Variants in KATNAL2 observed in about 807,000 individuals in gnomAD.
KATNAL2 encodes katanin catalytic subunit A1 like 2.
A neutral mutation model predicts 76.3 loss-of-function variants in KATNAL2; 52 were observed. The ratio of observed to expected loss-of-function variants is 0.68; its 90% CI spans 0.55 to 0.86. KATNAL2 has a LOEUF of 0.86. Ranked by LOEUF, KATNAL2 falls within the 40% of genes least tolerant of loss-of-function variation. KATNAL2 has a pLI of 0.00. For missense variants in KATNAL2, 660 were observed against 668.9 expected, an observed-to-expected ratio of 0.99 and a Z score of 0.15; for synonymous variants, 243 against 244.2, an observed-to-expected ratio of 1.00 and a Z score of 0.05.
intron 1 of KATNAL2, among the ~76,000 whole-genome samples, chr18:46,922,651 G>A (rs1201790476): frequency 6.6e-6 from 1 of 151,686 alleles, no homozygotes; most frequent in Admixed American, 6.6e-5. Flanking sequence ...AATAAAATGA[G>A]CCAAGTGTGG....
In KATNAL2 at chr18:46,938,774, G is replaced by A. The variant is rs570918277; in HGVS notation, c.-509-7283G>A. Among the ~76,000 whole-genome samples the A allele has an allele frequency of 2.6e-5, 4 of 152,100 alleles. No individual in the cohort carries two copies. In the South Asian group the frequency reaches 6.2e-4, roughly 24 times the overall value. ...AGAATCAAATGCCTTATCACATTCC[G>A]CAGTCCCTTGTTTCAACTCCCTTTA... On this transcript the variant is annotated intron_variant, in intron 1 of 17. Coordinates refer to ENST00000683218, the MANE Select transcript of KATNAL2 (RefSeq NM_001387690.1).
chr18:47,063,187 G>C, intron 9 of KATNAL2, 97 bp from the exon 10 acceptor site: 1 of 1,425,698 alleles, frequency 7.0e-7, no homozygotes, highest in Non-Finnish European at 9.8e-7. Context: ...ATAGCCACCT[G>C]CCATCGTTTG....
At chr18:46,927,214 G>A (rs2058755487) in intron 1 of KATNAL2, among the ~76,000 whole-genome samples, 2 of 152,124 alleles carry the variant, frequency 1.3e-5, no homozygotes, top group African/African-American at 4.8e-5. Context: ...TTTTTGCAGT[G>A]GCTGGTACTG....
chr18:47,069,042 A>G (rs2061907135), intron 11 of KATNAL2, among the ~76,000 whole-genome samples, 178 bp from the exon 12 acceptor site: 1 of 152,220 alleles, frequency 6.6e-6, no homozygotes, highest in South Asian at 2.1e-4. Flanking sequence ...TGAAAATAAA[A>G]TTGGGATGAA....
At chr18:46,927,580 G>A (rs1472699776) in intron 1 of KATNAL2, among the ~76,000 whole-genome samples, 6 of 152,070 alleles carry the variant, frequency 3.9e-5, no homozygotes, top group South Asian at 2.1e-4. Context: ...TGCTCTTCTC[G>A]AGGAGTATTT....
At chr18:47,099,637 G>C (rs2063388373) in intron 16 of KATNAL2, among the ~76,000 whole-genome samples, 1 of 152,240 alleles carries the variant, frequency 6.6e-6, no homozygotes, top group South Asian at 2.1e-4. Context: ...TTTAGACTCA[G>C]AGAACCTATG....
intron 10 of KATNAL2, among the ~76,000 whole-genome samples, chr18:47,064,228 C>T (rs536036734): frequency 2.0e-5 from 3 of 147,064 alleles, no homozygotes; most frequent in East Asian, 2.0e-4. Flanking sequence ...ACAAAGTGCA[C>T]TTTAAGAGCA....
At chr18:47,068,536 C>G (rs571956202) in intron 11 of KATNAL2, among the ~76,000 whole-genome samples, 1 of 152,304 alleles carries the variant, frequency 6.6e-6, no homozygotes, top group African/African-American at 2.4e-5. Flanking sequence ...GCATTACAAG[C>G]TCCATATGTG....
chr18:47,032,831 G>T, intron 3 of KATNAL2: 1 of 1,281,192 alleles, frequency 7.8e-7, no homozygotes, highest in South Asian at 1.5e-5. Flanking sequence ...TAGTGGCTGG[G>T]TGTGGGAGGC....
intron 15 of KATNAL2, among the ~76,000 whole-genome samples, chr18:47,090,389 G>T (rs1409017573): frequency 6.6e-6 from 1 of 152,136 alleles, no homozygotes; most frequent in African/African-American, 2.4e-5. Context: ...TTACAGGCAG[G>T]AGCCACCGCG....
At chr18:46,935,612 T>A (rs563023643) in intron 1 of KATNAL2, among the ~76,000 whole-genome samples, 1 of 151,788 alleles carries the variant, frequency 6.6e-6, no homozygotes. Flanking sequence ...TAAATAAGTT[T>A]ACATTGAAAA....
chr18:46,948,488 G>A (rs2059449819), intron 3 of KATNAL2, among the ~76,000 whole-genome samples: 2 of 143,764 alleles, frequency 1.4e-5, no homozygotes. Flanking sequence ...GCAATGGTGT[G>A]ATCTTGGCTC....
intron 3 of KATNAL2, among the ~76,000 whole-genome samples, chr18:47,045,736 C>A (rs2061137048): frequency 6.6e-6 from 1 of 152,172 alleles, no homozygotes; most frequent in African/African-American, 2.4e-5. Flanking sequence ...TACCTGTATT[C>A]TACTTAGATA....
chr18:46,936,794 A>C (rs1599362473), intron 1 of KATNAL2, among the ~76,000 whole-genome samples: 1 of 152,096 alleles, frequency 6.6e-6, no homozygotes, highest in African/African-American at 2.4e-5. Flanking sequence ...TCTACTAAAA[A>C]TATTTAAAAA....
intron 1 of KATNAL2, among the ~76,000 whole-genome samples, chr18:46,945,404 A>G (rs938114252): frequency 6.6e-6 from 1 of 152,252 alleles, no homozygotes; most frequent in African/African-American, 2.4e-5. Flanking sequence ...AGCAGGCAAT[A>G]TAGACTTTTC....
At position 47,063,327 on chromosome 18, in the gene KATNAL2, G is replaced by A; in HGVS notation, c.692G>A (p.Ser231Asn). Residue 231 changes from serine to asparagine, a missense_variant, in exon 10 of 18, where the codon AGT becomes AAT. Transcript: ENST00000683218. ...CTGAGTGCATTTATTGGCATGAACA[G>A]TGAGATGCGAGAATTGGCAGCCGTG... ...KPLSAFIGMN[S>N]EMRELAAVVS... 6.2e-7 allele frequency: 1 copy of A among 1,613,974 alleles called. No individual in the cohort carries two copies. Among genetic ancestry groups the A allele is most frequent in the Non-Finnish European group, 8.5e-7 (1 of 1,179,912 alleles).
chr18:46,927,905 G>A (rs556963192), intron 1 of KATNAL2, among the ~76,000 whole-genome samples: 25 of 152,208 alleles, frequency 1.6e-4, no homozygotes, highest in East Asian at 5.8e-4. Context: ...CATTCGTCAC[G>A]TAGCTCTTGT....
At position 46,957,813 on chromosome 18, in the gene KATNAL2, C is replaced by T. The variant is rs140830727; in HGVS notation, c.51+10890C>T. Among the ~76,000 whole-genome samples the T allele has an allele frequency of 4.8e-3, 720 of 150,110 alleles. 1 individual carries two copies. Among genetic ancestry groups the T allele is most frequent in the African/African-American group, 0.014 (587 of 40,818 alleles). On this transcript the variant is annotated intron_variant, in intron 3 of 17. Coordinates refer to ENST00000683218, the MANE Select transcript of KATNAL2 (RefSeq NM_001387690.1). ...CCGACCTCAGGTGATCTGCCGGCCT[C>T]GGCCTCCCAAAGTGCTGAGAATACA...
chr18:47,077,334 G>T lies in KATNAL2; in HGVS notation c.1101-17G>T, dbSNP rs368466544. ...AGGCTCTGACACTTAGGAGAATCACGTCTTGTCTCTCTGTAGGGGAGAACA... is the reference window on the plus strand; with the variant it reads ...AGGCTCTGACACTTAGGAGAATCACTTCTTGTCTCTCTGTAGGGGAGAACA... On this transcript the variant is annotated splice_polypyrimidine_tract_variant and intron_variant, in intron 14 of 17. Transcript: ENST00000683218. 2.0e-5 allele frequency: 32 copies of T among 1,592,042 alleles called. No individual in the cohort carries two copies. The highest frequency in any genetic ancestry group is 2.8e-5 in the Non-Finnish European group (32 of 1,160,052).
Sources: allele counts gnomAD v4.1 joint callset (sites outside exome capture counted in the v4.1 genomes callset), GRCh38; gene constraint gnomAD v4.1.1; transcripts MANE v1.5; gene names NCBI Gene and HGNC (gene_info 2026-07-23, HGNC 2026-07-21).